NRXN1: variants seen among roughly 807,000 people sequenced by gnomAD.
NRXN1 encodes neurexin-1.
A neutral mutation model predicts 150.9 loss-of-function variants in NRXN1; 39 were observed. That is an observed-to-expected ratio of 0.26 (90% CI 0.20 to 0.34). NRXN1 has a LOEUF of 0.34. Among genes scored for constraint, NRXN1 ranks in the 10% least tolerant of loss-of-function variants. NRXN1 has a pLI of 1.00. For synonymous variants in NRXN1, 924 were observed against 757.0 expected (o/e 1.22, Z -3.62); for missense variants, 1,815 against 1,949.9 (o/e 0.93, Z 1.30).
chr2:50,631,212 T>C (rs940350720), intron 5 of NRXN1: 3 of 402,894 alleles, frequency 7.4e-6, no homozygotes, highest in African/African-American at 6.7e-5. Flanking sequence ...GTCTAACTTC[T>C]CTTGTTCTGC....
At chr2:50,514,585 T>G (rs1188102386) in intron 12 of NRXN1, among the ~76,000 whole-genome samples, 1 of 152,172 alleles carries the variant, frequency 6.6e-6, no homozygotes, top group African/African-American at 2.4e-5. Context: ...GACAGTAAAT[T>G]TATTTGACTT....
intron 5 of NRXN1, among the ~76,000 whole-genome samples, chr2:50,709,341 G>A (rs1036115426): frequency 1.3e-5 from 2 of 152,140 alleles, no homozygotes; most frequent in African/African-American, 4.8e-5. Context: ...TAAGTGTACA[G>A]TTACCAAAAA....
chr2:50,293,422 T>C (rs1392234969), intron 17 of NRXN1, among the ~76,000 whole-genome samples: 2 of 152,150 alleles, frequency 1.3e-5, no homozygotes. Context: ...ACCCTGTCCA[T>C]GATAGACTAC....
At chr2:50,999,421 T>C (rs1699750786) in intron 2 of NRXN1, among the ~76,000 whole-genome samples, 1 of 151,974 alleles carries the variant, frequency 6.6e-6, no homozygotes, top group African/African-American at 2.4e-5. Context: ...GCTGAAAGAT[T>C]AGGGAGGAGT....
chr2:50,498,165 C>T (rs1487673864), intron 13 of NRXN1, among the ~76,000 whole-genome samples: 2 of 151,828 alleles, frequency 1.3e-5, no homozygotes, highest in African/African-American at 4.8e-5. Flanking sequence ...TATAAATGTT[C>T]TTCCAGGAAA....
At chr2:50,426,973 T>C (rs766326114) in intron 17 of NRXN1, among the ~76,000 whole-genome samples, 20 of 152,186 alleles carry the variant, frequency 1.3e-4, no homozygotes, top group Non-Finnish European at 2.5e-4. Context: ...TATTTGGATG[T>C]ATTTTCAAAA....
At chr2:49,925,227 C>T (rs1168879866) in intron 22 of NRXN1, among the ~76,000 whole-genome samples, 1 of 149,428 alleles carries the variant, frequency 6.7e-6, no homozygotes, top group African/African-American at 2.5e-5. Flanking sequence ...TTGCAGTGAG[C>T]TGCGATCGCA....
At chr2:50,139,212 GCTACTTGGGAGGC>G (rs1260242405) in intron 18 of NRXN1, among the ~76,000 whole-genome samples, 1 of 151,722 alleles carries the variant, frequency 6.6e-6, no homozygotes, top group Non-Finnish European at 1.5e-5. Flanking sequence ...AGTAATCCCA[GCTACTTGGGAGGC>G]CGAGACAGGA....
In NRXN1 at chr2:50,337,680, G is replaced by A. The variant is rs376198714; in HGVS notation, c.3365-100710C>T. Among the ~76,000 whole-genome samples, 4 of 152,110 alleles carry A rather than the reference G, an allele frequency of 2.6e-5. No homozygotes were observed. The South Asian group carries it at 8.3e-4, about 32-fold the overall frequency. ...GTGCTCTAGTTCTTTCTCTGCACAG[G>A]CTTTTATGAGGGAGAATTGGGGTTG... On this transcript the variant is annotated intron_variant, in intron 17 of 22. Transcript: ENST00000401669.
intron 21 of NRXN1, among the ~76,000 whole-genome samples, chr2:49,972,461 A>C (rs1678125225): frequency 6.6e-6 from 1 of 152,236 alleles, no homozygotes; most frequent in Non-Finnish European, 1.5e-5. Context: ...CATTTTCAGA[A>C]TTGAAAACTT....
chr2:50,791,151 G>A (rs1574487339), intron 5 of NRXN1, among the ~76,000 whole-genome samples: 1 of 144,468 alleles, frequency 6.9e-6, no homozygotes, highest in African/African-American at 2.6e-5. Context: ...AAAAAAGACT[G>A]TCAAAAGTAA....
At chr2:50,923,993 AC>A (rs1384843073) in intron 3 of NRXN1, among the ~76,000 whole-genome samples, 1 of 151,886 alleles carries the variant, frequency 6.6e-6, no homozygotes, top group Non-Finnish European at 1.5e-5. Context: ...AAAAGTTCAC[AC>A]AGGCAGATTC....
At chr2:50,974,876 C>G (rs1254520405) in intron 2 of NRXN1, among the ~76,000 whole-genome samples, 1 of 152,062 alleles carries the variant, frequency 6.6e-6, no homozygotes, top group Non-Finnish European at 1.5e-5. Flanking sequence ...TGTTCCCTTA[C>G]TATATAAAAT....
intron 5 of NRXN1, among the ~76,000 whole-genome samples, chr2:50,855,976 T>C (rs1361714687): frequency 2.0e-5 from 3 of 150,642 alleles, no homozygotes; most frequent in Non-Finnish European, 3.0e-5. Flanking sequence ...GTCTTTCTAA[T>C]ATAGAGAAAG....
chr2:50,118,327 C>T (rs941350627), intron 18 of NRXN1, among the ~76,000 whole-genome samples: 10 of 152,176 alleles, frequency 6.6e-5, no homozygotes, highest in African/African-American at 2.4e-4. Flanking sequence ...CAGGTTAACA[C>T]CTTAAGTAGC....
chr2:50,107,605 A>C (rs201003104), intron 18 of NRXN1, among the ~76,000 whole-genome samples: 5 of 147,764 alleles, frequency 3.4e-5, no homozygotes, highest in African/African-American at 7.4e-5. Flanking sequence ...AGAAAAAAAA[A>C]CTACCCAGCT....
chr2:49,969,705 G>T (rs1677612769), intron 21 of NRXN1: 1 of 151,986 alleles, frequency 6.6e-6, no homozygotes, highest in South Asian at 2.1e-4. Flanking sequence ...ACTCTGCTTA[G>T]CTTCTGAGAT....
Position 51,027,923 on chromosome 2 carries a change from C to A in NRXN1, c.351G>T (p.Val117=). The A allele has an allele frequency of 6.2e-7, 1 of 1,606,648 alleles. No homozygotes were observed. The highest frequency in any genetic ancestry group is 1.1e-5 in the South Asian group (1 of 91,074). ...TGTTGCGGAACTGGCGGCGGATGCG[C>A]ACGCTGTGCCAGGCGCCGTCGTTAA... The part of the protein sequence containing the change: ...TPVNDGAWHS[V]RIRRQFRNTT... The change falls in exon 2 of 23, where the codon GTG becomes GTT. Residue 117 remains valine, a synonymous_variant. Coordinates refer to ENST00000401669, the MANE Select transcript of NRXN1 (RefSeq NM_001330078.2).
At chr2:50,147,500 G>A (rs2058415372) in intron 18 of NRXN1, among the ~76,000 whole-genome samples, 1 of 151,724 alleles carries the variant, frequency 6.6e-6, no homozygotes, top group African/African-American at 2.4e-5. Context: ...GAGTTAAAGA[G>A]AGCTAGAAAG....
Sources: allele counts gnomAD v4.1 joint callset (sites outside exome capture counted in the v4.1 genomes callset), GRCh38; gene constraint gnomAD v4.1.1; transcripts MANE v1.5; gene names NCBI Gene and HGNC (gene_info 2026-07-23, HGNC 2026-07-21).